The following DCAF8 variants were observed in gnomAD, a reference collection of about 807,000 sequenced individuals.
DCAF8 encodes DDB1- and CUL4-associated factor 8.
Under a neutral mutation model 68.0 loss-of-function variants are expected in DCAF8, and 20 were observed. The ratio of observed to expected loss-of-function variants is 0.29; its 90% CI spans 0.21 to 0.43. DCAF8 has a LOEUF of 0.43. Among genes scored for constraint, DCAF8 ranks in the 20% least tolerant of loss-of-function variants. The pLI is 1.00. For missense variants in DCAF8, 460 were observed against 771.0 expected (o/e 0.60, Z 4.78); for synonymous variants, 230 against 276.9 (o/e 0.83, Z 1.68).
At chr1:160,225,281 G>C (rs1655431891) in intron 8 of DCAF8, among the ~76,000 whole-genome samples, 162 bp from the exon 9 acceptor site, 1 of 152,150 alleles carries the variant, frequency 6.6e-6, no homozygotes, top group Non-Finnish European at 1.5e-5. Flanking sequence ...CCACCTCAGG[G>C]GGTAGCATCT....
intron 5 of DCAF8, among the ~76,000 whole-genome samples, chr1:160,238,225 G>A (rs76596795): frequency 0.021 from 3,222 of 152,278 alleles, 109 homozygotes; most frequent in African/African-American, 0.074. Context: ...TGAACTGAGA[G>A]TTTGAGCAGG....
intron 2 of DCAF8, among the ~76,000 whole-genome samples, chr1:160,247,165 G>A (rs1048546721): frequency 1.3e-5 from 2 of 152,122 alleles, no homozygotes; most frequent in Non-Finnish European, 2.9e-5. Context: ...GGTTGGAAAA[G>A]CTGATGAGCT....
rs181397416 is a variant in DCAF8 at position 160,217,993 on chromosome 1, A to G, written c.1678-285T>C. 2.2e-5 allele frequency: 11 copies of G among 508,506 alleles called. No individual in the cohort carries two copies. The Admixed American group carries it at 3.6e-4, about 17-fold the overall frequency. 31.5% of individuals were successfully genotyped at this position (508,506 alleles called of 1,614,324 possible). On this transcript the variant is annotated intron_variant, in intron 13 of 13. Coordinates refer to ENST00000368074, the MANE Select transcript of DCAF8 (RefSeq NM_015726.4). ...CAGCAGGCCAACTGCCAGTTTGCCA[A>G]CCCCTGAACTAGGCCTCTTTTGGCA...
At chr1:160,217,937 A>G (rs1655178354) in intron 13 of DCAF8, 2 of 521,912 alleles carry the variant, frequency 3.8e-6, no homozygotes, top group Non-Finnish European at 6.7e-6. Context: ...GTATGGCTGC[A>G]AGCCAATGAA....
intron 3 of DCAF8, among the ~76,000 whole-genome samples, chr1:160,241,233 A>C (rs920401564): frequency 2.0e-5 from 3 of 152,214 alleles, no homozygotes; most frequent in Admixed American, 2.0e-4. Flanking sequence ...ATTCACTAAG[A>C]AAGCAAGCTG....
chr1:160,259,479 G>GCTGAGAT (rs1276341591), intron 2 of DCAF8, among the ~76,000 whole-genome samples: 2 of 152,122 alleles, frequency 1.3e-5, no homozygotes, highest in Admixed American at 6.5e-5. Flanking sequence ...GTTGCAGTGG[G>GCTGAGAT]CTGAGATCGC....
intron 6 of DCAF8, 116 bp downstream of exon 6, chr1:160,237,019 A>T: frequency 3.0e-6 from 2 of 660,232 alleles, no homozygotes; most frequent in South Asian, 4.9e-5. Flanking sequence ...ACTACCTCTT[A>T]ACCATAGGCA....
intron 7 of DCAF8, among the ~76,000 whole-genome samples, chr1:160,228,049 C>A (rs1256672617): frequency 1.3e-5 from 2 of 151,564 alleles, no homozygotes; most frequent in African/African-American, 4.9e-5. Flanking sequence ...TACCACCACA[C>A]CTGGAGATAT....
At position 160,218,415 on chromosome 1, in the gene DCAF8, C is replaced by T; in HGVS notation, c.1586G>A (p.Arg529Gln). 6.2e-7 allele frequency: 1 copy of T among 1,614,142 alleles called. No individual in the cohort carries two copies. Among genetic ancestry groups the T allele is most frequent in the Non-Finnish European group, 8.5e-7 (1 of 1,180,012 alleles). The change falls in exon 13 of 14, where the codon CGG (arginine) becomes CAG (glutamine). Residue 529 changes from arginine to glutamine, a missense_variant. This residue lies in a region of DCAF8 where 80 missense variants were observed against 115.1 expected (regional missense o/e 0.70). Coordinates refer to ENST00000368074, the MANE Select transcript of DCAF8 (RefSeq NM_015726.4). ...KDVIKKNKRE[R>Q]DEDSLHQTDL... is the part of the protein sequence containing the mutation. ...AGTTTGGTGCAAGCTATCTTCATCC[C>T]GCTCCCGCTTGTTCTTCTTAATCAC...
intron 6 of DCAF8, among the ~76,000 whole-genome samples, chr1:160,236,233 G>A (rs1391249431): frequency 2.0e-5 from 3 of 151,612 alleles, no homozygotes. Context: ...CAGCCATGGT[G>A]TTAAACATTA....
At chr1:160,246,479 C>G (rs1656343883) in intron 2 of DCAF8, among the ~76,000 whole-genome samples, 1 of 152,124 alleles carries the variant, frequency 6.6e-6, no homozygotes, top group Admixed American at 6.5e-5. Context: ...TGATTATGAA[C>G]CTATATGAGT....
rs187005360 is a variant in DCAF8 at position 160,221,521 on chromosome 1, C to G, written c.1440+1130G>C. On this transcript the variant is annotated intron_variant, in intron 11 of 13. Coordinates refer to ENST00000368074, the MANE Select transcript of DCAF8 (RefSeq NM_015726.4). ...AATTTGAAATACCCTTTCACCAGGG[C>G]AAGAAAAACATAAGGAATGGGATCC... Among the ~76,000 whole-genome samples the G allele has an allele frequency of 1.1e-3, 172 of 152,178 alleles. 2 individuals carry two copies. The highest frequency in any genetic ancestry group is 5.8e-4 in the East Asian group (3 of 5,182).
chr1:160,251,746 G>A (rs762816059), intron 2 of DCAF8, among the ~76,000 whole-genome samples: 2 of 152,152 alleles, frequency 1.3e-5, no homozygotes, highest in Non-Finnish European at 2.9e-5. Flanking sequence ...TGAGATTACA[G>A]GCACGAGCCA....
rs759900122 is a variant in DCAF8, at chr1:160,240,138, T to C, written c.282A>G (p.Arg94=). 1 of 1,613,918 alleles carries C rather than the reference T, an allele frequency of 6.2e-7. No individual in the cohort carries two copies. The highest frequency in any genetic ancestry group is 2.2e-5 in the East Asian group (1 of 44,886). Residue 94 remains arginine (R), a synonymous_variant, in exon 4 of 14, where the codon CGA becomes CGG. Transcript: ENST00000368074. The part of the protein sequence containing the change: ...TGHYSINDEN[R]VHDRSEEEEE... ...CCTCTTCCTCTGAGCGGTCATGGAC[T>C]CGATTTTCATCATTAATGGAGTAAT...
chr1:160,256,474 A>C (rs747332040), intron 2 of DCAF8, among the ~76,000 whole-genome samples: 62 of 152,298 alleles, frequency 4.1e-4, no homozygotes, highest in South Asian at 1.0e-3. Flanking sequence ...CATACCTGGT[A>C]ATGTGGCAAT....
At chr1:160,259,262 T>A (rs74125549) in intron 2 of DCAF8, among the ~76,000 whole-genome samples, 1 of 152,168 alleles carries the variant, frequency 6.6e-6, no homozygotes, top group Non-Finnish European at 1.5e-5. Context: ...TGGCCGGGCA[T>A]GGTGGTTCAC....
At chr1:160,243,035 A>C (rs1411381152) in intron 3 of DCAF8, among the ~76,000 whole-genome samples, 1 of 152,196 alleles carries the variant, frequency 6.6e-6, no homozygotes, top group Non-Finnish European at 1.5e-5. Flanking sequence ...CCTTCCTCCA[A>C]TCACATCAAC....
chr1:160,238,534 G>T, intron 5 of DCAF8, 73 bp downstream of exon 5: 1 of 1,471,126 alleles, frequency 6.8e-7, no homozygotes, highest in South Asian at 1.4e-5. Context: ...AATGGGCAGA[G>T]ATAAGGGAGA....
At chr1:160,252,269 G>C (rs1656627455) in intron 2 of DCAF8, among the ~76,000 whole-genome samples, 1 of 152,186 alleles carries the variant, frequency 6.6e-6, no homozygotes, top group Admixed American at 6.5e-5. Flanking sequence ...AGAGATAAAA[G>C]TATCTATCAT....
Sources: gnomAD v4.1 joint callset for allele counts (sites outside exome capture counted in the v4.1 genomes callset) on GRCh38, gnomAD v4.1.1 for gene constraint, gnomAD v4.1.1 regional missense constraint, MANE v1.5 for transcripts, NCBI Gene and HGNC (gene_info 2026-07-23, HGNC 2026-07-21) for gene names.